The following PTPRD variants were observed in gnomAD, a reference collection of about 807,000 sequenced individuals.
The protein encoded by PTPRD is receptor-type tyrosine-protein phosphatase delta.
PTPRD carries 34 observed loss-of-function variants against 214.5 expected under a neutral mutation model. The observed-to-expected ratio is 0.16, with a 90% CI of 0.12 to 0.21. The LOEUF is 0.21. Among genes scored for constraint, PTPRD ranks in the 10% least tolerant of loss-of-function variants. PTPRD has a pLI of 1.00. For missense variants in PTPRD, 2,545 were observed against 2,398.7 expected, an observed-to-expected ratio of 1.06 and a Z score of -1.27; for synonymous variants, 1,128 against 845.7, an observed-to-expected ratio of 1.33 and a Z score of -5.79.
At chr9:10,565,066 T>C (rs1165052598) in intron 2 of PTPRD, among the ~76,000 whole-genome samples, 1 of 152,092 alleles carries the variant, frequency 6.6e-6, no homozygotes, top group Non-Finnish European at 1.5e-5. Context: ...TTATAAGCCA[T>C]GTATTGCTCA....
chr9:8,384,146 T>C (rs768708821), intron 37 of PTPRD, among the ~76,000 whole-genome samples: 6 of 152,194 alleles, frequency 3.9e-5, no homozygotes, highest in Non-Finnish European at 7.3e-5. Flanking sequence ...CTGCCAATCA[T>C]GTGCCCCAGT....
intron 12 of PTPRD, among the ~76,000 whole-genome samples, chr9:8,658,163 T>C (rs1005095295): frequency 2.6e-5 from 4 of 152,198 alleles, no homozygotes; most frequent in South Asian, 4.1e-4. Context: ...CTAATTACAA[T>C]AGCAGTGAAC....
At chr9:10,379,434 T>C (rs990575880) in intron 2 of PTPRD, among the ~76,000 whole-genome samples, 1 of 151,990 alleles carries the variant, frequency 6.6e-6, no homozygotes, top group African/African-American at 2.4e-5. Context: ...AGCATCCTTG[T>C]TGCATTCCAG....
chr9:9,191,966 T>C (rs1433064159), intron 9 of PTPRD, among the ~76,000 whole-genome samples: 1 of 152,112 alleles, frequency 6.6e-6, no homozygotes, highest in African/African-American at 2.4e-5. Flanking sequence ...ACCATTTTCA[T>C]GTTGCCCCAA....
intron 8 of PTPRD, among the ~76,000 whole-genome samples, chr9:9,559,944 T>C (rs2082475859): frequency 1.3e-5 from 2 of 152,214 alleles, no homozygotes; most frequent in Non-Finnish European, 1.5e-5. Context: ...AATGCAGTTC[T>C]GCCTGGAAAC....
At chr9:8,735,225 A>G (rs2089960511) in intron 11 of PTPRD, among the ~76,000 whole-genome samples, 1 of 151,094 alleles carries the variant, frequency 6.6e-6, no homozygotes, top group Admixed American at 6.6e-5. Context: ...CTCACTGCAA[A>G]CGCTGCTTCC....
intron 13 of PTPRD, among the ~76,000 whole-genome samples, chr9:8,635,584 C>T (rs1283602264): frequency 6.6e-6 from 1 of 152,084 alleles, no homozygotes; most frequent in Non-Finnish European, 1.5e-5. Flanking sequence ...ATTTGAACCC[C>T]TGATCACCCT....
intron 5 of PTPRD, among the ~76,000 whole-genome samples, chr9:9,895,599 G>T (rs1036256544): frequency 1.3e-5 from 2 of 151,988 alleles, no homozygotes; most frequent in African/African-American, 4.8e-5. Context: ...TTACAGGAGA[G>T]GGAGGGTTTG....
chr9:9,765,659 T>C (rs1024155367), intron 6 of PTPRD, among the ~76,000 whole-genome samples: 3 of 152,162 alleles, frequency 2.0e-5, no homozygotes, highest in Non-Finnish European at 2.9e-5. Context: ...GTAAATTCTT[T>C]TATTCGTTTA....
chr9:9,788,188 A>T (rs1271863750), intron 5 of PTPRD, among the ~76,000 whole-genome samples: 1 of 152,146 alleles, frequency 6.6e-6, no homozygotes, highest in Non-Finnish European at 1.5e-5. Flanking sequence ...TTATACACAT[A>T]TGAATGTACA....
intron 2 of PTPRD, among the ~76,000 whole-genome samples, chr9:10,602,509 T>G (rs967584255): frequency 6.6e-6 from 1 of 151,834 alleles, no homozygotes; most frequent in African/African-American, 2.4e-5. Context: ...GTTGTAACTC[T>G]GTGTCAGGTG....
intron 5 of PTPRD, among the ~76,000 whole-genome samples, chr9:9,921,604 A>T (rs757898456): frequency 9.9e-5 from 15 of 151,546 alleles, no homozygotes; most frequent in Non-Finnish European, 2.1e-4. Flanking sequence ...TCAGGGGAAA[A>T]AAATGGCAGA....
intron 5 of PTPRD, among the ~76,000 whole-genome samples, chr9:9,834,102 G>C (rs912504410): frequency 6.6e-6 from 1 of 152,046 alleles, no homozygotes; most frequent in Admixed American, 6.6e-5. Flanking sequence ...AGAGATTGCA[G>C]TAAAGACAGG....
intron 11 of PTPRD, among the ~76,000 whole-genome samples, chr9:8,734,640 A>C (rs948216196): frequency 2.0e-5 from 3 of 152,236 alleles, no homozygotes; most frequent in African/African-American, 7.2e-5. Flanking sequence ...AAAAAGCCAC[A>C]AACTATTTTT....
At chr9:10,001,183 C>T (rs2096302561) in intron 4 of PTPRD, among the ~76,000 whole-genome samples, 1 of 152,066 alleles carries the variant, frequency 6.6e-6, no homozygotes, top group Admixed American at 6.6e-5. Context: ...TGGTGTTCCT[C>T]CAGTCACCGG....
intron 10 of PTPRD, among the ~76,000 whole-genome samples, chr9:9,174,807 TG>T: frequency 6.6e-6 from 1 of 152,300 alleles, no homozygotes; most frequent in African/African-American, 2.4e-5. Context: ...CCATTTAATG[TG>T]CTAATGATTT....
At chr9:9,464,902 T>G (rs899141434) in intron 8 of PTPRD, among the ~76,000 whole-genome samples, 1 of 152,212 alleles carries the variant, frequency 6.6e-6, no homozygotes, top group African/African-American at 2.4e-5. Context: ...ATTAAGCATG[T>G]CCAATGCAGG....
chr9:10,183,360 T>G (rs1461911681), intron 3 of PTPRD, among the ~76,000 whole-genome samples: 3 of 152,148 alleles, frequency 2.0e-5, no homozygotes, highest in Non-Finnish European at 2.9e-5. Flanking sequence ...GAACTAGGAT[T>G]ATGATCAATT....
chr9:8,323,519 G>A (rs1234833980), intron 44 of PTPRD, among the ~76,000 whole-genome samples: 1 of 152,160 alleles, frequency 6.6e-6, no homozygotes, highest in Non-Finnish European at 1.5e-5. Context: ...ACAGTAACAG[G>A]AGTTTGGAAG....
Sources: gnomAD v4.1 joint callset for allele counts (sites outside exome capture counted in the v4.1 genomes callset) on GRCh38, gnomAD v4.1.1 for gene constraint, MANE v1.5 for transcripts, NCBI Gene and HGNC (gene_info 2026-07-23, HGNC 2026-07-21) for gene names.